Variants in ARPC5 observed in about 807,000 individuals in gnomAD.
ARPC5 encodes actin related protein 2/3 complex subunit 5.
In ARPC5, 5 loss-of-function variants were observed where a neutral mutation model predicts 15.4. The ratio of observed to expected loss-of-function variants is 0.32; its 90% CI spans 0.17 to 0.68. The LOEUF (loss-of-function observed/expected upper bound fraction) is 0.68. Among genes scored for constraint, ARPC5 ranks in the 30% least tolerant of loss-of-function variants. ARPC5 has a pLI of 0.71. For missense variants in ARPC5, 138 were observed against 192.8 expected (o/e 0.72, Z 1.68); for synonymous variants, 85 against 72.2 (o/e 1.18, Z -0.90).
At chr1:183,633,321 T>C (rs1340325233) in intron 1 of ARPC5, 167 bp from the exon 2 acceptor site, 1 of 504,888 alleles carries the variant, frequency 2.0e-6, no homozygotes, top group Non-Finnish European at 3.5e-6. Flanking sequence ...AAAGGCAAAA[T>C]ATCAAAAGCA....
chr1:183,632,499 T>C (rs1377247389), intron 2 of ARPC5: 9 of 152,200 alleles, frequency 5.9e-5, no homozygotes, highest in Non-Finnish European at 1.3e-4. Context: ...CTTATCCATA[T>C]ACAAGTGTTA....
At chr1:183,630,434 C>T in intron 3 of ARPC5, 27 bp downstream of exon 3, 1 of 1,546,500 alleles carries the variant, frequency 6.5e-7, no homozygotes, top group South Asian at 1.2e-5. Context: ...AAGAACCAGT[C>T]ATATAGATTT....
At chr1:183,631,431 T>C (rs1485019258) in intron 2 of ARPC5, 1 of 151,742 alleles carries the variant, frequency 6.6e-6, no homozygotes, top group Non-Finnish European at 1.5e-5. Flanking sequence ...AATACAGAAA[T>C]TATCCAGGCA....
At position 183,623,187 on chromosome 1, in the gene ARPC5, GTCATACACTACTCAATT is replaced by G. The variant is rs1261224255; in HGVS notation, c.*4328_*4344del. On this transcript the variant is annotated 3_prime_UTR_variant, in exon 4 of 4. Transcript: ENST00000359856. ...TTAGAATGCTTTGGAATTCAGGTGG[GTCATACACTACTCAATT>G]TGTGTTTCATGTGGTGTGGATTCTA... 3.7e-6 allele frequency: 2 copies of G among 537,140 alleles called. No individual in the cohort carries two copies. The highest frequency in any genetic ancestry group is 3.8e-5 in the African/African-American group (2 of 52,538). The allele number at this position is 537,140 out of a possible 1,614,324, so 33.3% of individuals were successfully genotyped here.
rs1261227166 is a variant in ARPC5 at position 183,625,878 on chromosome 1, GAA to G, written c.*1652_*1653del. ...TACAAGAAATAGATTTGAGGTGAAA[GAA>G]AGAGAATTTTGGAGGCTGGGAGTGA... is the stretch of plus-strand genomic sequence containing the variant. On this transcript the variant is annotated 3_prime_UTR_variant, in exon 4 of 4. Coordinates refer to ENST00000359856, the MANE Select transcript of ARPC5 (RefSeq NM_005717.4). The G allele has an allele frequency of 1.3e-5, 2 of 152,212 alleles. No homozygotes were observed. Among genetic ancestry groups the G allele is most frequent in the Non-Finnish European group, 2.9e-5 (2 of 68,034 alleles). 9.4% of individuals were successfully genotyped at this position (152,212 alleles called of 1,614,324 possible).
At chr1:183,633,000 T>C (rs1034885105) in intron 2 of ARPC5, 82 bp downstream of exon 2, 14 of 1,056,632 alleles carry the variant, frequency 1.3e-5, no homozygotes, top group Admixed American at 1.0e-4. Context: ...AGTTAAAATA[T>C]TGATTTTTTT....
intron 3 of ARPC5, among the ~76,000 whole-genome samples, chr1:183,628,446 A>G (rs540207808): frequency 6.7e-4 from 102 of 152,180 alleles, no homozygotes; most frequent in Non-Finnish European, 1.2e-3. Context: ...TAGGAATCTG[A>G]GCTCTGGTTT....
In ARPC5 at chr1:183,623,575, C is replaced by T; in HGVS notation, c.*3957G>A. The T allele has an allele frequency of 6.7e-7, 1 of 1,500,526 alleles. No homozygotes were observed. The highest frequency in any genetic ancestry group is 1.2e-5 in the South Asian group (1 of 82,842). The allele number at this position is 1,500,526 out of a possible 1,614,324, so 93.0% of individuals were successfully genotyped here. On this transcript the variant is annotated 3_prime_UTR_variant, in exon 4 of 4. Coordinates refer to ENST00000359856, the MANE Select transcript of ARPC5 (RefSeq NM_005717.4). ...AGAGGTCCCGCGGCAGGAATATGGA[C>T]AGAAGCAGCCTTGTTTAAGGGCACT...
In ARPC5 at chr1:183,621,310, G is replaced by A. The variant is rs1198598862; in HGVS notation, c.*6222C>T. ...GATCTACAAATAGGCTTGAACATATGTAAAATGACTTGTGTATAATGCTAT... is the reference window on the plus strand; with the variant it reads ...GATCTACAAATAGGCTTGAACATATATAAAATGACTTGTGTATAATGCTAT... On this transcript the variant is annotated 3_prime_UTR_variant, in exon 4 of 4. Coordinates refer to ENST00000359856, the MANE Select transcript of ARPC5 (RefSeq NM_005717.4). The A allele has an allele frequency of 6.6e-6, 1 of 152,182 alleles. No homozygotes were observed. Among genetic ancestry groups the A allele is most frequent in the Non-Finnish European group, 1.5e-5 (1 of 68,024 alleles). The allele number at this position is 152,182 out of a possible 1,614,324, so 9.4% of individuals were successfully genotyped here. A position where few individuals can be genotyped will look rare whatever the true frequency, so the allele number is the denominator to read the frequency against.
Position 183,632,944 on chromosome 1 carries a change from C to T in ARPC5, c.216+138G>A, listed in dbSNP as rs1288075957. The T allele has an allele frequency of 2.2e-5, 14 of 639,468 alleles. No homozygotes were observed. In the East Asian group the frequency reaches 4.1e-4, roughly 19 times the overall value. The allele number at this position is 639,468 out of a possible 1,614,324, so 39.6% of individuals were successfully genotyped here. ...GCTATTTTTTCACGTGAAATTTTTA[C>T]CTATCAAACTACATTATAAACTCTT... is the stretch of plus-strand genomic sequence containing the variant. On this transcript the variant is annotated intron_variant, in intron 2 of 3. Transcript: ENST00000359856.
chr1:183,633,008 T>C, intron 2 of ARPC5, 74 bp downstream of exon 2: 1 of 1,138,176 alleles, frequency 8.8e-7, no homozygotes, highest in South Asian at 1.5e-5. Context: ...TATTGATTTT[T>C]TTTTGCAACT....
At position 183,621,076 on chromosome 1, in the gene ARPC5, AAT is replaced by A. The variant is rs966233033; in HGVS notation, c.*6454_*6455del. ...TCTCATTTACATTAAGAGAAATGCA[AAT>A]ATATGATACCATTTTTAAAACATCA... On this transcript the variant is annotated 3_prime_UTR_variant, in exon 4 of 4. Coordinates refer to ENST00000359856, the MANE Select transcript of ARPC5 (RefSeq NM_005717.4). 10 of 152,344 alleles carry A rather than the reference AAT, an allele frequency of 6.6e-5. No homozygotes were observed. The highest frequency in any genetic ancestry group is 2.4e-4 in the African/African-American group (10 of 41,580). 9.4% of individuals were successfully genotyped at this position (152,344 alleles called of 1,614,324 possible).
chr1:183,633,241 A>C (rs909193776), intron 1 of ARPC5, 87 bp from the exon 2 acceptor site: 1 of 913,378 alleles, frequency 1.1e-6, no homozygotes, highest in African/African-American at 1.8e-5. Flanking sequence ...TTTACATATA[A>C]AAAGAAAATT....
intron 3 of ARPC5, among the ~76,000 whole-genome samples, chr1:183,628,371 A>T (rs1649173266): frequency 6.6e-6 from 1 of 152,120 alleles, no homozygotes; most frequent in Admixed American, 6.5e-5. Context: ...ATTGTTTAAT[A>T]GCTAAGAACT....
At position 183,626,164 on chromosome 1, in the gene ARPC5, C is replaced by T. The variant is rs1190951003; in HGVS notation, c.*1368G>A. 6.6e-6 allele frequency: 1 copy of T among 152,232 alleles called. No individual in the cohort carries two copies. Among genetic ancestry groups the T allele is most frequent in the Non-Finnish European group, 1.5e-5 (1 of 68,048 alleles). 9.4% of individuals were successfully genotyped at this position (152,232 alleles called of 1,614,324 possible). A position where few individuals can be genotyped will look rare whatever the true frequency, so the allele number is the denominator to read the frequency against. On this transcript the variant is annotated 3_prime_UTR_variant, in exon 4 of 4. Transcript: ENST00000359856. ...AAACCTTTCCTCTTAATTAACCATA[C>T]ATTCATAATTGTTAAAGTCAGAGAA...
In ARPC5 at chr1:183,621,761, C is replaced by A. The variant is rs1169811169; in HGVS notation, c.*5771G>T. ...TAAACTGTCATGGTGCCGGTGGGAGCGTAGCGGTGAGGATGGCCAGAGGCA... is the reference window on the plus strand; with the variant it reads ...TAAACTGTCATGGTGCCGGTGGGAGAGTAGCGGTGAGGATGGCCAGAGGCA... On this transcript the variant is annotated 3_prime_UTR_variant, in exon 4 of 4. Coordinates refer to ENST00000359856, the MANE Select transcript of ARPC5 (RefSeq NM_005717.4). 3 of 152,136 alleles carry A rather than the reference C, an allele frequency of 2.0e-5. No homozygotes were observed. The highest frequency in any genetic ancestry group is 7.2e-5 in the African/African-American group (3 of 41,416). The allele number at this position is 152,136 out of a possible 1,614,324, so 9.4% of individuals were successfully genotyped here. A position where few individuals can be genotyped will look rare whatever the true frequency, so the allele number is the denominator to read the frequency against.
In ARPC5 at chr1:183,635,555, G is replaced by C; in HGVS notation, c.105C>G (p.Ala35=). The change falls in exon 1 of 4, where the codon GCC becomes GCG. Residue 35 remains alanine (A), a synonymous_variant. Transcript: ENST00000359856. ...AGTCCACCTCGCCCTCGTCGGGCCC[G>C]GCCTGGCCGTCGCCCCCATCTTCTT... ...VDEEDGGDGQ[A]GPDEGEVDSC... 1 of 1,613,032 alleles carries C rather than the reference G, an allele frequency of 6.2e-7. No individual in the cohort carries two copies. The highest frequency in any genetic ancestry group is 2.2e-5 in the East Asian group (1 of 44,850).
At position 183,627,289 on chromosome 1, in the gene ARPC5, A is replaced by C; in HGVS notation, c.*243T>G. On this transcript the variant is annotated 3_prime_UTR_variant, in exon 4 of 4. Coordinates refer to ENST00000359856, the MANE Select transcript of ARPC5 (RefSeq NM_005717.4). ...TTATACTATATACAGATTGGTATAA[A>C]CATCACTGAAATGGTTTTGAAAGGA... 1 of 537,720 alleles carries C rather than the reference A, an allele frequency of 1.9e-6. No individual in the cohort carries two copies. The highest frequency in any genetic ancestry group is 3.4e-6 in the Non-Finnish European group (1 of 293,842). The allele number at this position is 537,720 out of a possible 1,614,324, so 33.3% of individuals were successfully genotyped here.
At chr1:183,629,746 G>C (rs911359030) in intron 3 of ARPC5, among the ~76,000 whole-genome samples, 1 of 152,092 alleles carries the variant, frequency 6.6e-6, no homozygotes, top group African/African-American at 2.4e-5. Flanking sequence ...CACAAAATTT[G>C]CCATTTTAAC....
Sources: allele counts gnomAD v4.1 joint callset (sites outside exome capture counted in the v4.1 genomes callset), GRCh38; gene constraint gnomAD v4.1.1; transcripts MANE v1.5; gene names NCBI Gene and HGNC (gene_info 2026-07-23, HGNC 2026-07-21).